The following KIF6 variants were observed in gnomAD, a reference collection of about 807,000 sequenced individuals.
KIF6 encodes kinesin family member 6, also known as kinesin-like protein KIF6.
A neutral mutation model predicts 112.7 loss-of-function variants in KIF6; 106 were observed. That is an observed-to-expected ratio of 0.94 (90% CI 0.80 to 1.11). The LOEUF (loss-of-function observed/expected upper bound fraction) is 1.11. Ranked by LOEUF, KIF6 falls within the 50% of genes least tolerant of loss-of-function variation. The pLI, the probability that KIF6 is intolerant of heterozygous loss-of-function variation, is 0.00. For synonymous variants in KIF6, 339 were observed against 339.9 expected (o/e 1.00, Z 0.03); for missense variants, 929 against 964.0 (o/e 0.96, Z 0.48).
intron 13 of KIF6, among the ~76,000 whole-genome samples, chr6:39,534,559 A>T (rs984441614): frequency 6.6e-6 from 1 of 152,236 alleles, no homozygotes; most frequent in African/African-American, 2.4e-5. Flanking sequence ...ATATGGGACT[A>T]TGTGAAAAGA....
chr6:39,568,556 T>C (rs1042922352), intron 10 of KIF6, among the ~76,000 whole-genome samples: 14 of 152,078 alleles, frequency 9.2e-5, no homozygotes, highest in Non-Finnish European at 1.9e-4. Flanking sequence ...CTTTTCTTTT[T>C]TTTTTTAATT....
chr6:39,440,663 G>A (rs1562219155), intron 13 of KIF6, among the ~76,000 whole-genome samples: 1 of 152,122 alleles, frequency 6.6e-6, no homozygotes, highest in Non-Finnish European at 1.5e-5. Flanking sequence ...TGAGTGTGTG[G>A]AGAAGGTAGA....
chr6:39,595,441 T>C (rs1269972197), intron 7 of KIF6, among the ~76,000 whole-genome samples: 1 of 152,200 alleles, frequency 6.6e-6, no homozygotes, highest in Admixed American at 6.5e-5. Flanking sequence ...AACTAACACC[T>C]ACAATGTAGG....
Position 39,343,806 on chromosome 6 carries a change from C to T in KIF6, c.2331G>A (p.Lys777=). 1.3e-6 allele frequency: 2 copies of T among 1,599,746 alleles called. No homozygotes were observed. The highest frequency in any genetic ancestry group is 1.7e-6 in the Non-Finnish European group (2 of 1,173,792). The part of the protein sequence containing the change: ...TSTPLEDSIP[K]RPVSSIPLTG... ...TGAGAGGGATGGACGACACTGGCCT[C>T]TTGGGGATGCTGGAGGCAACCACGT... The change falls in exon 22 of 23, where the codon AAG becomes AAA. Residue 777 remains lysine, a synonymous_variant. Coordinates refer to ENST00000287152, the MANE Select transcript of KIF6 (RefSeq NM_145027.6). This position sits in a 1 kb window ranked among gnomAD's most constrained non-coding sequence, Gnocchi z 4.1.
At chr6:39,722,583 G>T (rs983873922) in intron 1 of KIF6, among the ~76,000 whole-genome samples, 2 of 152,078 alleles carry the variant, frequency 1.3e-5, no homozygotes, top group Non-Finnish European at 2.9e-5. Context: ...ACTTTATGAT[G>T]CCTTAAAGAA....
At chr6:39,336,939 CTTT>C (rs1247706021) in intron 22 of KIF6, among the ~76,000 whole-genome samples, 3 of 126,734 alleles carry the variant, frequency 2.4e-5, no homozygotes, top group East Asian at 2.1e-4. Flanking sequence ...TTCTTTCTTT[CTTT>C]TTCTTTCTCT....
At chr6:39,611,122 A>T (rs1446692845) in intron 6 of KIF6, among the ~76,000 whole-genome samples, 1 of 152,148 alleles carries the variant, frequency 6.6e-6, no homozygotes, top group East Asian at 1.9e-4. Context: ...CCTGGCTAAC[A>T]TGGCGAAACC....
intron 17 of KIF6, among the ~76,000 whole-genome samples, chr6:39,361,135 G>A (rs1236658327): frequency 6.6e-6 from 1 of 152,136 alleles, no homozygotes; most frequent in African/African-American, 2.4e-5. Context: ...ATGCTATAAT[G>A]AATCAGAAAT....
Position 39,330,471 on chromosome 6 carries a change from A to C in KIF6, c.*6061T>G, listed in dbSNP as rs946758414. On this transcript the variant is annotated 3_prime_UTR_variant, in exon 23 of 23. Transcript: ENST00000287152. ...GGGGACTGCTTGCCTCAGTCTAAAG[A>C]CAGTGATGGAAAAGACAAACCCAGG... 3 of 152,256 alleles carry C rather than the reference A, an allele frequency of 2.0e-5. No individual in the cohort carries two copies. Among genetic ancestry groups the C allele is most frequent in the Admixed American group, 6.5e-5 (1 of 15,280 alleles). The allele number at this position is 152,256 out of a possible 1,614,324, so 9.4% of individuals were successfully genotyped here.
At chr6:39,723,255 T>G (rs916392016) in intron 1 of KIF6, among the ~76,000 whole-genome samples, 1 of 152,194 alleles carries the variant, frequency 6.6e-6, no homozygotes, top group Non-Finnish European at 1.5e-5. Flanking sequence ...TGCTTAATCA[T>G]GAGATGCTAT....
At chr6:39,453,444 C>G (rs1772834342) in intron 13 of KIF6, among the ~76,000 whole-genome samples, 1 of 152,202 alleles carries the variant, frequency 6.6e-6, no homozygotes, top group South Asian at 2.1e-4. Context: ...ATACCATAAG[C>G]TGCATGAGGA....
chr6:39,612,167 C>T (rs761978637), intron 6 of KIF6, among the ~76,000 whole-genome samples: 6 of 152,126 alleles, frequency 3.9e-5, no homozygotes, highest in Non-Finnish European at 5.9e-5. Context: ...GTCTATCTTG[C>T]GTCTAAGGCA....
At chr6:39,647,706 ATTT>A (rs1185142569) in intron 3 of KIF6, among the ~76,000 whole-genome samples, 3 of 136,630 alleles carry the variant, frequency 2.2e-5, no homozygotes, top group African/African-American at 2.7e-5. Flanking sequence ...GAAGGCCCTG[ATTT>A]TTTTTTTTTT....
intron 16 of KIF6, among the ~76,000 whole-genome samples, chr6:39,381,796 T>C (rs1766973058): frequency 6.6e-6 from 1 of 152,196 alleles, no homozygotes; most frequent in Non-Finnish European, 1.5e-5. Context: ...TTAAAATAAA[T>C]AGGTATTTCA....
chr6:39,676,875 T>G (rs1787172114), intron 3 of KIF6, among the ~76,000 whole-genome samples: 1 of 151,946 alleles, frequency 6.6e-6, no homozygotes, highest in African/African-American at 2.4e-5. Context: ...AATTGAAAAG[T>G]AAATATGATA....
At chr6:39,439,066 A>G (rs571987002) in intron 13 of KIF6, among the ~76,000 whole-genome samples, 11 of 152,290 alleles carry the variant, frequency 7.2e-5, no homozygotes, top group Admixed American at 6.5e-5. Flanking sequence ...TTAAGTACAC[A>G]CTATGATGTT....
At chr6:39,683,312 CAAAT>C (rs1787647034) in intron 3 of KIF6, among the ~76,000 whole-genome samples, 1 of 152,054 alleles carries the variant, frequency 6.6e-6, no homozygotes, top group Non-Finnish European at 1.5e-5. Context: ...AAAATGGAGA[CAAAT>C]TGATTGATTC....
At chr6:39,534,539 C>T (rs1457668563) in intron 13 of KIF6, among the ~76,000 whole-genome samples, 1 of 152,132 alleles carries the variant, frequency 6.6e-6, no homozygotes, top group Non-Finnish European at 1.5e-5. Flanking sequence ...ATGATCAAAG[C>T]CTCCAAGAAA....
At chr6:39,694,432 G>C (rs72853237) in intron 3 of KIF6, among the ~76,000 whole-genome samples, 1 of 152,108 alleles carries the variant, frequency 6.6e-6, no homozygotes, top group Non-Finnish European at 1.5e-5. Flanking sequence ...GGATTCTGCC[G>C]AAAGTCTCCT....
Sources: gnomAD v4.1 joint callset for allele counts (sites outside exome capture counted in the v4.1 genomes callset) on GRCh38, gnomAD v4.1.1 for gene constraint, Gnocchi (gnomAD v3.1) non-coding constraint, MANE v1.5 for transcripts, NCBI Gene and HGNC (gene_info 2026-07-23, HGNC 2026-07-21) for gene names.